PIBF1: variants seen among roughly 807,000 people sequenced by gnomAD.
PIBF1 encodes the protein progesterone immunomodulatory binding factor 1.
Under a neutral mutation model 112.5 loss-of-function variants are expected in PIBF1, and 90 were observed. That is an observed-to-expected ratio of 0.80 (90% CI 0.67 to 0.95). PIBF1 has a LOEUF of 0.95. Among genes scored for constraint, PIBF1 ranks in the 40% least tolerant of loss-of-function variants. The pLI is 0.00. For synonymous variants in PIBF1, 301 were observed against 288.6 expected, an observed-to-expected ratio of 1.04 and a Z score of -0.44; for missense variants, 915 against 852.3, an observed-to-expected ratio of 1.07 and a Z score of -0.92.
intron 10 of PIBF1, among the ~76,000 whole-genome samples, chr13:72,859,401 C>T (rs1008537225): frequency 1.5e-4 from 23 of 152,202 alleles, no homozygotes; most frequent in African/African-American, 5.5e-4. Context: ...TTAGTAACTA[C>T]TGAAGGGCTT....
chr13:72,807,788 T>C (rs988597931), intron 5 of PIBF1, among the ~76,000 whole-genome samples: 11 of 152,220 alleles, frequency 7.2e-5, no homozygotes, highest in African/African-American at 2.7e-4. Flanking sequence ...ATGTTCAAAA[T>C]TGATCACCTG....
intron 14 of PIBF1, among the ~76,000 whole-genome samples, chr13:72,944,826 G>C (rs2042107621): frequency 6.6e-6 from 1 of 152,042 alleles, no homozygotes; most frequent in African/African-American, 2.4e-5. Flanking sequence ...GAGTGCAGTG[G>C]CATAATCTCG....
chr13:72,907,870 T>G (rs1413382839), intron 11 of PIBF1, among the ~76,000 whole-genome samples: 3 of 152,164 alleles, frequency 2.0e-5, no homozygotes, highest in Non-Finnish European at 2.9e-5. Flanking sequence ...GTCATCATGG[T>G]GTTTCCTTCA....
intron 11 of PIBF1, among the ~76,000 whole-genome samples, chr13:72,903,234 G>A (rs1208623225): frequency 2.0e-5 from 3 of 152,058 alleles, no homozygotes; most frequent in Admixed American, 2.0e-4. Flanking sequence ...TCTATAAATG[G>A]TATAATTATG....
chr13:72,810,870 T>TG (rs1406181172), intron 5 of PIBF1, among the ~76,000 whole-genome samples: 1 of 151,962 alleles, frequency 6.6e-6, no homozygotes, highest in East Asian at 1.9e-4. Flanking sequence ...TTTTTTTTTT[T>TG]TTTTGAGACG....
At chr13:72,903,488 A>T (rs1270737155) in intron 11 of PIBF1, among the ~76,000 whole-genome samples, 3 of 152,206 alleles carry the variant, frequency 2.0e-5, no homozygotes, top group African/African-American at 7.2e-5. Context: ...TTCTGTAATG[A>T]TGCAAATATT....
At chr13:72,793,991 A>G (rs2035065789) in intron 3 of PIBF1, among the ~76,000 whole-genome samples, 1 of 152,204 alleles carries the variant, frequency 6.6e-6, no homozygotes, top group Non-Finnish European at 1.5e-5. Flanking sequence ...ATGAGACTAG[A>G]TGAATTCCCC....
chr13:72,817,932 T>G (rs1480075111), intron 5 of PIBF1, among the ~76,000 whole-genome samples: 1 of 152,110 alleles, frequency 6.6e-6, no homozygotes, highest in East Asian at 1.9e-4. Context: ...ATAATTTCGT[T>G]TAAGGGGAAA....
At chr13:72,945,353 T>C (rs1016303079) in intron 14 of PIBF1, among the ~76,000 whole-genome samples, 1 of 152,216 alleles carries the variant, frequency 6.6e-6, no homozygotes, top group African/African-American at 2.4e-5. Context: ...GTGATGGGCA[T>C]GTGAGTGCAT....
At chr13:72,872,943 A>G (rs1446523013) in intron 10 of PIBF1, among the ~76,000 whole-genome samples, 1 of 152,214 alleles carries the variant, frequency 6.6e-6, no homozygotes, top group Admixed American at 6.5e-5. Context: ...GAGGAAAAAC[A>G]AAAACCTAAA....
intron 10 of PIBF1, chr13:72,884,344 G>A (rs1190655304): frequency 6.6e-6 from 1 of 152,050 alleles, no homozygotes; most frequent in Non-Finnish European, 1.5e-5. Flanking sequence ...AATATCGCAA[G>A]CCTCTCACAA....
At chr13:72,923,481 C>G (rs2041369105) in intron 13 of PIBF1, among the ~76,000 whole-genome samples, 1 of 152,116 alleles carries the variant, frequency 6.6e-6, no homozygotes, top group Non-Finnish European at 1.5e-5. Flanking sequence ...CAAACTTAAT[C>G]TTGGTATAAG....
chr13:72,901,405 T>G (rs537564812), intron 11 of PIBF1, among the ~76,000 whole-genome samples: 10 of 152,180 alleles, frequency 6.6e-5, no homozygotes, highest in African/African-American at 2.4e-4. Flanking sequence ...CAAAAAGCAG[T>G]AGGCTGGGCA....
chr13:72,931,024 A>G lies in PIBF1; in HGVS notation c.1731-141A>G, dbSNP rs567355901. 6 of 612,902 alleles carry G rather than the reference A, an allele frequency of 9.8e-6. No individual in the cohort carries two copies. The East Asian group carries it at 1.4e-4, about 14-fold the overall frequency. 38.0% of individuals were successfully genotyped at this position (612,902 alleles called of 1,614,324 possible). ...TCTTCCACTACTGGTGCCTGAAAAT[A>G]TTATTTGACTCTATATTTTTTCTGT... On this transcript the variant is annotated intron_variant, in intron 13 of 17. Coordinates refer to ENST00000326291, the MANE Select transcript of PIBF1 (RefSeq NM_006346.4).
intron 10 of PIBF1, among the ~76,000 whole-genome samples, chr13:72,885,123 AT>A (rs1275392303): frequency 6.6e-6 from 1 of 151,946 alleles, no homozygotes; most frequent in Non-Finnish European, 1.5e-5. Context: ...CCTTTTTTGC[AT>A]TTCTTTTTTG....
chr13:72,926,971 A>G (rs1012314795), intron 13 of PIBF1, among the ~76,000 whole-genome samples: 1 of 151,624 alleles, frequency 6.6e-6, no homozygotes, highest in Non-Finnish European at 1.5e-5. Flanking sequence ...GTTCATGAAT[A>G]TTTTTCGAAT....
intron 15 of PIBF1, 35 bp from the exon 16 acceptor site, chr13:72,973,554 CAT>C (rs1434898599): frequency 5.9e-6 from 6 of 1,017,390 alleles, no homozygotes; most frequent in South Asian, 1.4e-5. Context: ...TTTATACTAA[CAT>C]AATGACTTTT....
intron 11 of PIBF1, 88 bp from the exon 12 acceptor site, chr13:72,908,443 A>G: frequency 1.6e-6 from 1 of 625,936 alleles, no homozygotes. Context: ...TAACAAAAAA[A>G]GCCCTATGAA....
chr13:72,886,461 G>C (rs531233091), intron 10 of PIBF1, among the ~76,000 whole-genome samples: 3 of 150,654 alleles, frequency 2.0e-5, no homozygotes, highest in East Asian at 1.9e-4. Flanking sequence ...TTTTATAACA[G>C]TGTTATAAAA....
Sources: allele counts gnomAD v4.1 joint callset (sites outside exome capture counted in the v4.1 genomes callset), GRCh38; gene constraint gnomAD v4.1.1; transcripts MANE v1.5; gene names NCBI Gene and HGNC (gene_info 2026-07-23, HGNC 2026-07-21).